RNF175: variants seen among roughly 807,000 people sequenced by gnomAD.
RNF175 encodes ring finger protein 175.
RNF175 carries 38 observed loss-of-function variants against 50.0 expected under a neutral mutation model. That is an observed-to-expected ratio of 0.76 (90% CI 0.59 to 1.00). RNF175 has a LOEUF of 1.00. Among genes scored for constraint, RNF175 ranks in the 50% least tolerant of loss-of-function variants. The probability of loss-of-function intolerance (pLI) is 0.00; values close to 1 mark genes in which losing one functional copy is unlikely to be tolerated. For synonymous variants in RNF175, 155 were observed against 146.1 expected (o/e 1.06, Z -0.44); for missense variants, 388 against 409.6 (o/e 0.95, Z 0.46).
rs752536166 is a variant in RNF175 at position 153,728,370 on chromosome 4, G to C, written c.247-9C>G. On this transcript the variant is annotated splice_polypyrimidine_tract_variant and intron_variant, in intron 3 of 8. Coordinates refer to ENST00000347063, the MANE Select transcript of RNF175 (RefSeq NM_173662.4). The stretch of plus-strand genomic sequence containing the variant: ...TGCAACAAGGTCACCAGCTGTCAGA[G>C]AAATGAACAGGAAGTATCTTTCAAT... 7 of 1,612,626 alleles carry C rather than the reference G, an allele frequency of 4.3e-6. No homozygotes were observed. The highest frequency in any genetic ancestry group is 5.9e-6 in the Non-Finnish European group (7 of 1,178,900).
chr4:153,730,673 A>G (rs1429992361), intron 3 of RNF175, among the ~76,000 whole-genome samples: 2 of 152,098 alleles, frequency 1.3e-5, no homozygotes, highest in Admixed American at 1.3e-4. Context: ...TTATTTCCCC[A>G]TAAAATACTG....
At chr4:153,736,055 G>C (rs1739339441) in intron 3 of RNF175, among the ~76,000 whole-genome samples, 1 of 152,170 alleles carries the variant, frequency 6.6e-6, no homozygotes, top group African/African-American at 2.4e-5. Context: ...CCTTATCTTA[G>C]AGGGAAATCA....
chr4:153,744,935 C>T (rs774221675), intron 3 of RNF175, among the ~76,000 whole-genome samples: 1 of 152,074 alleles, frequency 6.6e-6, no homozygotes, highest in Non-Finnish European at 1.5e-5. Flanking sequence ...TCAAAATTGC[C>T]TAAACTTAAA....
chr4:153,734,667 T>C (rs75738041), intron 3 of RNF175, among the ~76,000 whole-genome samples: 1,504 of 11,202 alleles, frequency 0.13, 44 homozygotes, highest in Non-Finnish European at 0.3. Flanking sequence ...TTTTTATTCT[T>C]TTTTTTTTTT....
At chr4:153,735,201 G>A (rs1280720618) in intron 3 of RNF175, among the ~76,000 whole-genome samples, 2 of 149,356 alleles carry the variant, frequency 1.3e-5, no homozygotes, top group South Asian at 2.1e-4. Flanking sequence ...TCTAAAAGGT[G>A]TATTGTATGT....
chr4:153,719,730 T>C (rs1490796412), intron 6 of RNF175, among the ~76,000 whole-genome samples: 1 of 152,250 alleles, frequency 6.6e-6, no homozygotes, highest in Non-Finnish European at 1.5e-5. Context: ...ATGTGACTGG[T>C]ATTTATAATA....
chr4:153,729,885 G>C, intron 3 of RNF175: 1 of 643,476 alleles, frequency 1.6e-6, no homozygotes, highest in Non-Finnish European at 1.8e-6. Context: ...AATACTTTCA[G>C]GGAAAAAAAT....
rs1277140365 is a variant in RNF175, at chr4:153,759,886, A to T, written c.-24T>A. The T allele has an allele frequency of 7.3e-7, 1 of 1,371,636 alleles. No individual in the cohort carries two copies. Among genetic ancestry groups the T allele is most frequent in the South Asian group, 1.6e-5 (1 of 60,798 alleles). 85.0% of individuals were successfully genotyped at this position (1,371,636 alleles called of 1,614,324 possible). A position where few individuals can be genotyped will look rare whatever the true frequency, so the allele number is the denominator to read the frequency against. ...ATGCCTGAGCCACTGTGCCTTCTCC[A>T]GGGCACAGCGCCTGCCGGGGAGGGT... On this transcript the variant is annotated 5_prime_UTR_variant, in exon 1 of 9. Transcript: ENST00000347063.
At chr4:153,712,702 T>A (rs1737672632) in intron 7 of RNF175, 126 bp from the exon 8 acceptor site, 1 of 671,672 alleles carries the variant, frequency 1.5e-6, no homozygotes, top group Non-Finnish European at 2.7e-6. Context: ...CATCGCTTTT[T>A]TCGGGAGGTT....
chr4:153,751,415 CT>C, intron 2 of RNF175, 22 bp downstream of exon 2: 2 of 1,485,146 alleles, frequency 1.3e-6, no homozygotes, highest in South Asian at 1.3e-5. Context: ...CAAAACAACT[CT>C]TAAAAAATAC....
intron 3 of RNF175, among the ~76,000 whole-genome samples, chr4:153,741,570 T>G (rs1210682807): frequency 6.6e-6 from 1 of 152,188 alleles, no homozygotes; most frequent in Non-Finnish European, 1.5e-5. Context: ...CATTCATCTG[T>G]CTCTCTAGAT....
intron 7 of RNF175, 28 bp downstream of exon 7, chr4:153,715,501 C>T: frequency 6.4e-7 from 1 of 1,558,388 alleles, no homozygotes; most frequent in Non-Finnish European, 8.7e-7. Context: ...CTTGATGAAG[C>T]CCAAACAATT....
At chr4:153,749,950 T>G (rs1740199606) in intron 2 of RNF175, among the ~76,000 whole-genome samples, 1 of 152,226 alleles carries the variant, frequency 6.6e-6, no homozygotes, top group Non-Finnish European at 1.5e-5. Flanking sequence ...TTTGTTATGG[T>G]ATTCCTAGCA....
rs150853149 is a variant in RNF175, at chr4:153,718,225, TGTTTGTTTG to T, written c.630+1950_630+1958del. The stretch of plus-strand genomic sequence containing the variant: ...TCCTAAGGAGTTTTTTTTGTTTGTT[TGTTTGTTTG>T]TTTGTTTTTTTTTTTTTTGAAGCAG... On this transcript the variant is annotated intron_variant, in intron 6 of 8. Transcript: ENST00000347063. 2.3e-3 allele frequency among the ~76,000 whole-genome samples: 225 copies of T among 95,826 alleles called. 73 individuals carry two copies. The highest frequency in any genetic ancestry group is 2.5e-3 in the Non-Finnish European group (128 of 51,406). 62.9% of individuals were successfully genotyped at this position (95,826 alleles called of 152,430 possible).
intron 4 of RNF175, among the ~76,000 whole-genome samples, chr4:153,726,492 T>A (rs188189964): frequency 8.3e-4 from 127 of 152,260 alleles, no homozygotes; most frequent in Non-Finnish European, 8.8e-5. Context: ...GGGCACCCCA[T>A]CCTGAAACAA....
At chr4:153,752,326 T>G (rs1233564739) in intron 1 of RNF175, among the ~76,000 whole-genome samples, 1 of 152,194 alleles carries the variant, frequency 6.6e-6, no homozygotes, top group Non-Finnish European at 1.5e-5. Context: ...TGAGGCTTGC[T>G]TCACTCCTGG....
chr4:153,740,468 A>G (rs1346739248), intron 3 of RNF175, among the ~76,000 whole-genome samples: 1 of 152,156 alleles, frequency 6.6e-6, no homozygotes, highest in Admixed American at 6.5e-5. Context: ...ACATTTAAAA[A>G]TCCTCTCTTA....
intron 5 of RNF175, chr4:153,720,646 C>G (rs1338844229): frequency 1.4e-5 from 3 of 210,560 alleles, no homozygotes; most frequent in South Asian, 8.2e-5. Flanking sequence ...CCAGGCCACA[C>G]CCCAGGTAAC....
At chr4:153,733,778 A>G (rs1404933111) in intron 3 of RNF175, among the ~76,000 whole-genome samples, 4 of 152,138 alleles carry the variant, frequency 2.6e-5, no homozygotes, top group African/African-American at 9.6e-5. Flanking sequence ...GTACAGCTCT[A>G]TGACATTTGA....
Sources: allele counts gnomAD v4.1 joint callset (sites outside exome capture counted in the v4.1 genomes callset), GRCh38; gene constraint gnomAD v4.1.1; transcripts MANE v1.5; gene names NCBI Gene and HGNC (gene_info 2026-07-23, HGNC 2026-07-21).